The following HIVEP2 variants were observed in gnomAD, a reference collection of about 807,000 sequenced individuals.
The protein encoded by HIVEP2 is transcription factor HIVEP2.
HIVEP2 carries 14 observed loss-of-function variants against 180.7 expected under a neutral mutation model. The observed-to-expected ratio is 0.08, with a 90% CI of 0.05 to 0.12. The LOEUF is 0.12. Among genes scored for constraint, HIVEP2 ranks in the 10% least tolerant of loss-of-function variants. The probability of loss-of-function intolerance (pLI) is 1.00; values close to 1 mark genes in which losing one functional copy is unlikely to be tolerated. For missense variants in HIVEP2, 2,579 were observed against 3,008.5 expected (o/e 0.86, Z 3.34); for synonymous variants, 1,184 against 1,136.4 (o/e 1.04, Z -0.84).
At chr6:142,936,762 C>A (rs909562150) in intron 1 of HIVEP2, among the ~76,000 whole-genome samples, 1 of 151,482 alleles carries the variant, frequency 6.6e-6, no homozygotes, top group Non-Finnish European at 1.5e-5. Context: ...AATGCAGTGA[C>A]TGAATTAGCC....
intron 1 of HIVEP2, among the ~76,000 whole-genome samples, chr6:142,905,084 T>C (rs751844571): frequency 6.6e-6 from 1 of 152,220 alleles, no homozygotes; most frequent in African/African-American, 2.4e-5. Flanking sequence ...TTTATCTTTT[T>C]AAACTAAGGG....
Position 142,774,073 on chromosome 6 carries a change from A to G in HIVEP2, c.666T>C (p.Cys222=), listed in dbSNP as rs1367849504. 1.2e-6 allele frequency: 2 copies of G among 1,614,206 alleles called. No individual in the cohort carries two copies. The highest frequency in any genetic ancestry group is 4.5e-5 in the East Asian group (2 of 44,868). ...TGCTCTTTGTCTTGAAAGAGAAACC[A>G]CAAGGTATACATGGATATGGCCGCT... The part of the protein sequence containing the change: ...TGERPYPCIP[C]GFSFKTKSNL... Residue 222 remains cysteine, a synonymous_variant, in exon 5 of 10, where the codon TGT becomes TGC. Coordinates refer to ENST00000367603, the MANE Select transcript of HIVEP2 (RefSeq NM_006734.4). This position sits in a 1 kb window ranked among gnomAD's most constrained non-coding sequence, Gnocchi z 5.1.
At chr6:142,906,825 C>G (rs1777274648) in intron 1 of HIVEP2, among the ~76,000 whole-genome samples, 1 of 152,002 alleles carries the variant, frequency 6.6e-6, no homozygotes, top group South Asian at 2.1e-4. Context: ...AAAGAATATA[C>G]AAGGAAAAAT....
chr6:142,911,458 T>C lies in HIVEP2; in HGVS notation c.-641+33641A>G, dbSNP rs2128429942. On this transcript the variant is annotated intron_variant, in intron 1 of 9. Coordinates refer to ENST00000367603, the MANE Select transcript of HIVEP2 (RefSeq NM_006734.4). ...GCAGGCTTATTAAAAAGATGAGATA[T>C]TGGTTTGGGAAAACCTCCCTGAAAA... Among the ~76,000 whole-genome samples, 3 of 152,328 alleles carry C rather than the reference T, an allele frequency of 2.0e-5. No individual in the cohort carries two copies. The Middle Eastern group carries it at 0.01, about 518-fold the overall frequency.
At chr6:142,852,778 T>C (rs1775719335) in intron 1 of HIVEP2, among the ~76,000 whole-genome samples, 3 of 149,012 alleles carry the variant, frequency 2.0e-5, no homozygotes, top group African/African-American at 4.8e-5. Flanking sequence ...TTTGTGCAGT[T>C]TGACAAATTT....
chr6:142,811,135 T>C (rs1776686514), intron 2 of HIVEP2, among the ~76,000 whole-genome samples: 1 of 152,092 alleles, frequency 6.6e-6, no homozygotes, highest in African/African-American at 2.4e-5. Context: ...CAAAGAACAG[T>C]ACATCAGGAA....
At chr6:142,942,959 A>G (rs1778216056) in intron 1 of HIVEP2, among the ~76,000 whole-genome samples, 2 of 152,216 alleles carry the variant, frequency 1.3e-5, no homozygotes, top group African/African-American at 2.4e-5. Context: ...TTCTGTATAT[A>G]AGAAATATAC....
intron 1 of HIVEP2, among the ~76,000 whole-genome samples, chr6:142,866,811 G>A (rs897577762): frequency 3.3e-5 from 5 of 152,152 alleles, no homozygotes; most frequent in Admixed American, 1.3e-4. Context: ...AAAGTGCAAT[G>A]AGCCTCAGGC....
intron 1 of HIVEP2, among the ~76,000 whole-genome samples, chr6:142,860,325 T>G (rs1296006933): frequency 6.6e-6 from 1 of 152,186 alleles, no homozygotes; most frequent in Non-Finnish European, 1.5e-5. Context: ...ACATTCATAC[T>G]ATAAAGCTCT....
In HIVEP2 at chr6:142,819,778, A is replaced by G. The variant is rs138849934; in HGVS notation, c.-528+17157T>C. ...AGGATGTGAACAGGGCCTGTACTGA[A>G]CTACCTTCAGCTTGAAAAATAAAAT... is the stretch of plus-strand genomic sequence containing the variant. On this transcript the variant is annotated intron_variant, in intron 2 of 9. Transcript: ENST00000367603. Among the ~76,000 whole-genome samples, 617 of 152,290 alleles carry G rather than the reference A, an allele frequency of 4.1e-3. 5 individuals are homozygous for G. The highest frequency in any genetic ancestry group is 0.013 in the African/African-American group (561 of 41,572).
intron 1 of HIVEP2, among the ~76,000 whole-genome samples, chr6:142,860,631 C>T (rs1775952676): frequency 6.6e-6 from 1 of 152,144 alleles, no homozygotes; most frequent in Non-Finnish European, 1.5e-5. Flanking sequence ...GGCAAGAGAC[C>T]TAGATCCCTG....
At chr6:142,836,760 C>T (rs1775233946) in intron 2 of HIVEP2, among the ~76,000 whole-genome samples, 175 bp downstream of exon 2, 1 of 152,060 alleles carries the variant, frequency 6.6e-6, no homozygotes, top group Admixed American at 6.6e-5. Flanking sequence ...TCCAGAAATG[C>T]AATAAAGTAT....
intron 1 of HIVEP2, among the ~76,000 whole-genome samples, chr6:142,869,699 A>T (rs1265787352): frequency 6.6e-6 from 1 of 152,176 alleles, no homozygotes; most frequent in Admixed American, 6.5e-5. Context: ...TTTAAAATTT[A>T]AAATGTATTA....
At chr6:142,799,888 AT>A (rs777179594) in intron 2 of HIVEP2, among the ~76,000 whole-genome samples, 3 of 152,234 alleles carry the variant, frequency 2.0e-5, no homozygotes, top group East Asian at 3.9e-4. Context: ...TTAGTTTGAA[AT>A]TTTCCTTGCT....
At chr6:142,866,120 A>G (rs1277377290) in intron 1 of HIVEP2, among the ~76,000 whole-genome samples, 2 of 49,876 alleles carry the variant, frequency 4.0e-5, no homozygotes, top group Non-Finnish European at 1.1e-4. Flanking sequence ...GCATGCTGCA[A>G]CTGGTGAAGA....
intron 1 of HIVEP2, among the ~76,000 whole-genome samples, chr6:142,925,821 A>G (rs997089714): frequency 8.5e-5 from 13 of 152,230 alleles, no homozygotes; most frequent in African/African-American, 2.9e-4. Context: ...ACTAGAAACT[A>G]CTAAATAATA....
At chr6:142,822,862 G>A (rs1024624725) in intron 2 of HIVEP2, among the ~76,000 whole-genome samples, 23 of 152,300 alleles carry the variant, frequency 1.5e-4, no homozygotes, top group African/African-American at 4.3e-4. Context: ...ACTTGGAAAT[G>A]AGTTACCCAA....
At chr6:142,912,577 C>A (rs1270991550) in intron 1 of HIVEP2, among the ~76,000 whole-genome samples, 1 of 152,228 alleles carries the variant, frequency 6.6e-6, no homozygotes, top group Non-Finnish European at 1.5e-5. Context: ...GGAACCGCGT[C>A]GCACAGCACC....
chr6:142,909,349 T>C (rs1777344149), intron 1 of HIVEP2, among the ~76,000 whole-genome samples: 1 of 152,222 alleles, frequency 6.6e-6, no homozygotes. Context: ...TACATAGCAA[T>C]GGTATAGTAT....
Sources: allele counts gnomAD v4.1 joint callset (sites outside exome capture counted in the v4.1 genomes callset), GRCh38; gene constraint gnomAD v4.1.1; non-coding constraint Gnocchi (gnomAD v3.1); transcripts MANE v1.5; gene names NCBI Gene and HGNC (gene_info 2026-07-23, HGNC 2026-07-21).